The following CNTNAP5 variants were observed in gnomAD, a reference collection of about 807,000 sequenced individuals.
The protein encoded by CNTNAP5 is contactin-associated protein-like 5.
CNTNAP5 carries 72 observed loss-of-function variants against 150.2 expected under a neutral mutation model. The ratio of observed to expected loss-of-function variants is 0.48; its 90% CI spans 0.40 to 0.58. The LOEUF (loss-of-function observed/expected upper bound fraction) is 0.58. CNTNAP5 is among the 20% of genes least tolerant of loss of function. The probability of loss-of-function intolerance (pLI) is 0.00; values close to 1 mark genes in which losing one functional copy is unlikely to be tolerated. For missense variants in CNTNAP5, 1,636 were observed against 1,626.2 expected, an observed-to-expected ratio of 1.01 and a Z score of -0.10; for synonymous variants, 672 against 619.8, an observed-to-expected ratio of 1.08 and a Z score of -1.25.
chr2:124,624,943 T>C (rs1027109704), intron 12 of CNTNAP5, among the ~76,000 whole-genome samples: 1 of 152,158 alleles, frequency 6.6e-6, no homozygotes, highest in African/African-American at 2.4e-5. Flanking sequence ...GCAATCCATG[T>C]TACAGAGATA....
intron 19 of CNTNAP5, among the ~76,000 whole-genome samples, chr2:124,814,122 T>C (rs748201251): frequency 3.3e-5 from 5 of 152,146 alleles, no homozygotes; most frequent in Non-Finnish European, 7.4e-5. Context: ...CTTTTTTTTT[T>C]ATGATTCTTA....
intron 3 of CNTNAP5, among the ~76,000 whole-genome samples, chr2:124,407,030 T>C (rs1486396681): frequency 6.6e-6 from 1 of 152,240 alleles, no homozygotes; most frequent in Non-Finnish European, 1.5e-5. Context: ...AATGACATGA[T>C]TTCATCCTTT....
At chr2:124,292,332 C>T (rs555453808) in intron 3 of CNTNAP5, among the ~76,000 whole-genome samples, 4 of 151,986 alleles carry the variant, frequency 2.6e-5, no homozygotes, top group Non-Finnish European at 4.4e-5. Flanking sequence ...TAGAAAATTA[C>T]GATTATTGAA....
intron 2 of CNTNAP5, among the ~76,000 whole-genome samples, chr2:124,239,693 C>CT (rs1686838382): frequency 8.0e-6 from 1 of 125,756 alleles, no homozygotes; most frequent in Non-Finnish European, 1.7e-5. Flanking sequence ...ATTTCAACAA[C>CT]ATTTTTTTTT....
intron 13 of CNTNAP5, among the ~76,000 whole-genome samples, chr2:124,707,173 A>AGAAGAAGAAGAAGAT (rs1558743851): frequency 1.2e-4 from 17 of 145,606 alleles, no homozygotes; most frequent in Non-Finnish European, 1.7e-4. Flanking sequence ...AAGAAGAAGA[A>AGAAGAAGAAGAAGAT]GAAGAAGAAG....
chr2:124,129,093 A>G (rs1022488159), intron 1 of CNTNAP5, among the ~76,000 whole-genome samples: 4 of 148,560 alleles, frequency 2.7e-5, no homozygotes, highest in African/African-American at 9.9e-5. Flanking sequence ...AATACCCATC[A>G]GAACAGAAAA....
At chr2:124,610,947 A>G (rs1573495739) in intron 12 of CNTNAP5, among the ~76,000 whole-genome samples, 1 of 67,908 alleles carries the variant, frequency 1.5e-5, no homozygotes, top group Admixed American at 2.0e-4. Context: ...AGGGCGAGAC[A>G]CCGTCTCAAA....
At chr2:124,514,999 T>C (rs774435112) in intron 8 of CNTNAP5, among the ~76,000 whole-genome samples, 12 of 152,190 alleles carry the variant, frequency 7.9e-5, no homozygotes, top group Non-Finnish European at 1.8e-4. Context: ...AACCACACTT[T>C]CACCATCAAC....
intron 13 of CNTNAP5, among the ~76,000 whole-genome samples, chr2:124,707,502 A>G (rs1010737758): frequency 6.6e-6 from 1 of 152,212 alleles, no homozygotes; most frequent in Non-Finnish European, 1.5e-5. Flanking sequence ...AAATGTTAAT[A>G]AAGTTTTAAG....
intron 1 of CNTNAP5, among the ~76,000 whole-genome samples, chr2:124,062,187 C>T (rs1325189937): frequency 6.6e-6 from 1 of 152,134 alleles, no homozygotes; most frequent in Non-Finnish European, 1.5e-5. Context: ...TAGTTTATAT[C>T]ACAAAACCTT....
intron 1 of CNTNAP5, among the ~76,000 whole-genome samples, chr2:124,086,588 A>AT (rs971585515): frequency 1.2e-4 from 18 of 150,708 alleles, no homozygotes; most frequent in African/African-American, 3.7e-4. Context: ...GGTTCTGGTA[A>AT]TTTTTTTTGC....
chr2:124,335,315 G>C (rs143196590), intron 3 of CNTNAP5, among the ~76,000 whole-genome samples: 31 of 152,072 alleles, frequency 2.0e-4, no homozygotes, highest in African/African-American at 6.0e-4. Flanking sequence ...TTCAGACAAA[G>C]AGAGTGCTGC....
At chr2:124,363,919 C>A (rs547795744) in intron 3 of CNTNAP5, among the ~76,000 whole-genome samples, 1 of 152,238 alleles carries the variant, frequency 6.6e-6, no homozygotes, top group Non-Finnish European at 1.5e-5. Context: ...CACTGTGTCC[C>A]CTGCTCCAAG....
At chr2:124,791,155 C>T (rs2104633748) in intron 18 of CNTNAP5, among the ~76,000 whole-genome samples, 1 of 152,238 alleles carries the variant, frequency 6.6e-6, no homozygotes, top group South Asian at 2.1e-4. Flanking sequence ...TTTATTTAGT[C>T]CAGCTTGCTA....
At chr2:124,908,501 A>G (rs908796988) in intron 22 of CNTNAP5, among the ~76,000 whole-genome samples, 4 of 152,206 alleles carry the variant, frequency 2.6e-5, no homozygotes, top group African/African-American at 4.8e-5. Flanking sequence ...TGGTCTGCAT[A>G]GACAGTGGTC....
At chr2:124,124,845 T>C (rs1177077680) in intron 1 of CNTNAP5, among the ~76,000 whole-genome samples, 2 of 152,142 alleles carry the variant, frequency 1.3e-5, no homozygotes, top group Non-Finnish European at 2.9e-5. Flanking sequence ...ATAAAATCCT[T>C]TACAGACAAA....
chr2:124,287,346 T>A (rs549751626), intron 3 of CNTNAP5, among the ~76,000 whole-genome samples: 1 of 152,122 alleles, frequency 6.6e-6, no homozygotes, highest in African/African-American at 2.4e-5. Flanking sequence ...TGCTAACCAA[T>A]GTAAATTAGG....
chr2:124,317,477 C>T (rs1280550300), intron 3 of CNTNAP5, among the ~76,000 whole-genome samples: 3 of 152,116 alleles, frequency 2.0e-5, no homozygotes, highest in Non-Finnish European at 2.9e-5. Flanking sequence ...CAAAGGCTGC[C>T]TGCCCATCTA....
chr2:124,354,860 G>A (rs776190872), intron 3 of CNTNAP5, among the ~76,000 whole-genome samples: 9 of 151,590 alleles, frequency 5.9e-5, no homozygotes, highest in East Asian at 1.9e-4. Flanking sequence ...TAGAGTTTTC[G>A]TCAATAATTT....
Sources: allele counts gnomAD v4.1 joint callset (sites outside exome capture counted in the v4.1 genomes callset), GRCh38; gene constraint gnomAD v4.1.1; transcripts MANE v1.5; gene names NCBI Gene and HGNC (gene_info 2026-07-23, HGNC 2026-07-21).